TENM2: variants seen among roughly 807,000 people sequenced by gnomAD.
The protein encoded by TENM2 is teneurin transmembrane protein 2.
TENM2 carries 52 observed loss-of-function variants against 245.2 expected under a neutral mutation model. The observed-to-expected ratio is 0.21, with a 90% CI of 0.17 to 0.27. TENM2 has a LOEUF of 0.27. Ranked by LOEUF, TENM2 falls within the 10% of genes least tolerant of loss-of-function variation. The pLI is 1.00. For synonymous variants in TENM2, 1,363 were observed against 1,438.9 expected (o/e 0.95, Z 1.19); for missense variants, 3,046 against 3,666.8 (o/e 0.83, Z 4.37).
At chr5:167,066,332 C>T in the TENM2 span, among the ~76,000 whole-genome samples, 1 of 152,082 alleles carries the variant, frequency 6.6e-6, no homozygotes, top group Non-Finnish European at 1.5e-5. Context: ...AACAAGCATT[C>T]TTATTCCATG....
chr5:167,049,074 C>A, the TENM2 span, among the ~76,000 whole-genome samples: 1 of 152,068 alleles, frequency 6.6e-6, no homozygotes, highest in Non-Finnish European at 1.5e-5. Context: ...ACTGTAAGTA[C>A]CTGTAGTGAC....
At chr5:167,233,941 T>A in the TENM2 span, among the ~76,000 whole-genome samples, 31,186 of 151,030 alleles carry the variant, frequency 0.21, 3,741 homozygotes, top group African/African-American at 0.34. Context: ...ATGAAAATAA[T>A]AAAAAAAAGA....
rs898717545 is a variant in TENM2, at chr5:167,731,962, G to T, written c.503-144024G>T. Among the ~76,000 whole-genome samples, 12 of 152,092 alleles carry T rather than the reference G, an allele frequency of 7.9e-5. No homozygotes were observed. In the East Asian group the frequency reaches 1.5e-3, roughly 20 times the overall value. On this transcript the variant is annotated intron_variant, in intron 2 of 28. Coordinates refer to ENST00000518659, the Ensembl canonical transcript of TENM2. ...TTTTGGAAATCAAGTAGGCATACAT[G>T]ATAATATTGTGAGCAAATCAAGATT...
At chr5:167,599,510 C>T (rs772577509) in intron 2 of TENM2, among the ~76,000 whole-genome samples, 8 of 152,080 alleles carry the variant, frequency 5.3e-5, no homozygotes, top group Non-Finnish European at 1.2e-4. Context: ...AGTTTGATTC[C>T]ATTGGGAAAA....
intron 2 of TENM2, among the ~76,000 whole-genome samples, chr5:167,795,428 A>G (rs1230392786): frequency 6.6e-6 from 1 of 152,180 alleles, no homozygotes; most frequent in Non-Finnish European, 1.5e-5. Flanking sequence ...GATCTATTCT[A>G]TCATCCCAGT....
intron 2 of TENM2, among the ~76,000 whole-genome samples, chr5:167,854,277 G>C (rs1770868364): frequency 6.6e-6 from 1 of 152,160 alleles, no homozygotes; most frequent in Non-Finnish European, 1.5e-5. Context: ...CAAGCTAAAG[G>C]AGAAATCAGA....
chr5:167,718,873 A>T (rs1413673746), intron 2 of TENM2, among the ~76,000 whole-genome samples: 1 of 152,098 alleles, frequency 6.6e-6, no homozygotes, highest in Non-Finnish European at 1.5e-5. Flanking sequence ...CAATGATGAT[A>T]CTACTGCCCA....
At chr5:167,711,671 A>G (rs918776284) in intron 2 of TENM2, among the ~76,000 whole-genome samples, 8 of 152,092 alleles carry the variant, frequency 5.3e-5, no homozygotes, top group Non-Finnish European at 1.0e-4. Flanking sequence ...GCTTTTGCTC[A>G]ATCATCTCTT....
At chr5:167,708,575 C>G (rs966573337) in intron 2 of TENM2, among the ~76,000 whole-genome samples, 40 of 152,092 alleles carry the variant, frequency 2.6e-4, no homozygotes, top group African/African-American at 9.7e-4. Context: ...AGTCCCAGTT[C>G]TATTTCTCCA....
intron 2 of TENM2, among the ~76,000 whole-genome samples, chr5:167,776,593 GAAAAAAAAAAAAA>G (rs869252752): frequency 1.9e-4 from 7 of 36,026 alleles, no homozygotes; most frequent in African/African-American, 2.6e-4. Flanking sequence ...GACCCTGTCT[GAAAAAAAAAAAAA>G]AAAAAAAAAA....
the TENM2 span, among the ~76,000 whole-genome samples, chr5:167,126,303 G>C: frequency 1.3e-5 from 2 of 152,088 alleles, no homozygotes; most frequent in African/African-American, 4.8e-5. Flanking sequence ...GGAAGAAGGA[G>C]GTGTCTCAGC....
At chr5:167,425,292 T>C (rs1025325051) in intron 2 of TENM2, among the ~76,000 whole-genome samples, 4 of 152,182 alleles carry the variant, frequency 2.6e-5, no homozygotes, top group African/African-American at 9.7e-5. Context: ...ATTGGTCTTC[T>C]GAGAGGCAAG....
chr5:167,433,051 A>G (rs1362905069), intron 2 of TENM2, among the ~76,000 whole-genome samples: 2 of 152,176 alleles, frequency 1.3e-5, no homozygotes, highest in Non-Finnish European at 2.9e-5. Flanking sequence ...TGCTCTGCCA[A>G]AAGACAACAA....
At chr5:167,069,397 T>G in the TENM2 span, among the ~76,000 whole-genome samples, 1 of 152,316 alleles carries the variant, frequency 6.6e-6, no homozygotes, top group Non-Finnish European at 1.5e-5. Context: ...TCCAAATCTT[T>G]CCCCAAATGT....
chr5:166,982,796 G>A, the TENM2 span, among the ~76,000 whole-genome samples: 3 of 151,784 alleles, frequency 2.0e-5, no homozygotes, highest in East Asian at 5.8e-4. Context: ...TTTTTTGGGG[G>A]GGGGAGGAGA....
At chr5:167,854,045 A>G (rs570415844) in intron 2 of TENM2, among the ~76,000 whole-genome samples, 1 of 152,368 alleles carries the variant, frequency 6.6e-6, no homozygotes, top group Admixed American at 6.5e-5. Context: ...ACCAAAGGGT[A>G]TGAACACCAA....
intron 2 of TENM2, among the ~76,000 whole-genome samples, chr5:167,598,973 G>A (rs1003477281): frequency 1.3e-5 from 2 of 152,076 alleles, no homozygotes; most frequent in Non-Finnish European, 2.9e-5. Context: ...AAAGATTAAA[G>A]GGCTTTGTTT....
At chr5:167,814,911 C>T (rs1041011911) in intron 2 of TENM2, among the ~76,000 whole-genome samples, 51 of 152,204 alleles carry the variant, frequency 3.4e-4, no homozygotes, top group African/African-American at 1.1e-3. Context: ...TGTGAGGAAA[C>T]GGCTAATGTG....
intron 3 of TENM2, among the ~76,000 whole-genome samples, chr5:167,916,199 G>C (rs1224379564): frequency 6.6e-6 from 1 of 152,140 alleles, no homozygotes; most frequent in Non-Finnish European, 1.5e-5. Flanking sequence ...CACTATTTTT[G>C]TGAGTACGTG....
Sources: allele counts gnomAD v4.1 joint callset (sites outside exome capture counted in the v4.1 genomes callset), GRCh38; gene constraint gnomAD v4.1.1; transcripts MANE v1.5; gene names NCBI Gene and HGNC (gene_info 2026-07-23, HGNC 2026-07-21).